The following SARNP variants were observed in gnomAD, a reference collection of about 807,000 sequenced individuals.
SARNP encodes the protein SAP domain-containing ribonucleoprotein.
SARNP carries 5 observed loss-of-function variants against 38.1 expected under a neutral mutation model. That is an observed-to-expected ratio of 0.13 (90% confidence interval 0.07 to 0.28). The LOEUF is 0.28. Among genes scored for constraint, SARNP ranks in the 10% least tolerant of loss-of-function variants. The pLI, the probability that SARNP is intolerant of heterozygous loss-of-function variation, is 1.00. For synonymous variants in SARNP, 84 were observed against 80.6 expected (o/e 1.04, Z -0.23); for missense variants, 180 against 243.9 (o/e 0.74, Z 1.75).
chr12:55,758,278 A>C (rs1352211573), intron 10 of SARNP, among the ~76,000 whole-genome samples: 2 of 152,332 alleles, frequency 1.3e-5, no homozygotes, highest in East Asian at 3.9e-4. Flanking sequence ...TTTCTAGTGA[A>C]GAGTGTTAGC....
chr12:55,778,970 A>AAAAGC (rs1879265254), intron 9 of SARNP, among the ~76,000 whole-genome samples: 1 of 152,152 alleles, frequency 6.6e-6, no homozygotes, highest in Non-Finnish European at 1.5e-5. Context: ...GACTGTCTCA[A>AAAAGC]AAAGCAAAGC....
intron 1 of SARNP, among the ~76,000 whole-genome samples, chr12:55,807,646 CAAAAAAAA>C (rs768134544): frequency 1.3e-5 from 1 of 75,406 alleles, no homozygotes; most frequent in Non-Finnish European, 3.0e-5. Flanking sequence ...ACTAAAAATA[CAAAAAAAA>C]AAAAAAAAAA....
intron 4 of SARNP, among the ~76,000 whole-genome samples, chr12:55,799,727 T>G (rs1302837183): frequency 6.6e-6 from 1 of 151,494 alleles, no homozygotes; most frequent in Non-Finnish European, 1.5e-5. Context: ...CTAATTTTTG[T>G]ATTTTTAGAA....
intron 3 of SARNP, 107 bp downstream of exon 3, chr12:55,800,747 G>T: frequency 7.9e-7 from 1 of 1,272,018 alleles, no homozygotes; most frequent in Non-Finnish European, 1.1e-6. Flanking sequence ...CCCATCTTAT[G>T]CTCCCCTAAT....
downstream of SARNP, chr12:55,755,105 A>C (rs1039740965): frequency 1.3e-5 from 2 of 152,238 alleles, no homozygotes; most frequent in African/African-American, 4.8e-5. Context: ...GGGGGATTCC[A>C]ATAATCAGAA....
intron 1 of SARNP, among the ~76,000 whole-genome samples, chr12:55,805,398 G>A (rs1309361972): frequency 6.6e-6 from 1 of 152,004 alleles, no homozygotes; most frequent in East Asian, 1.9e-4. Context: ...TGAGGAACAT[G>A]GTAGGTAATC....
intron 1 of SARNP, among the ~76,000 whole-genome samples, chr12:55,806,505 C>T (rs761843446): frequency 7.9e-5 from 12 of 152,016 alleles, no homozygotes; most frequent in Non-Finnish European, 1.8e-4. Flanking sequence ...AAACTCCTGA[C>T]CTCAAGTGAT....
At chr12:55,761,478 G>T (rs956958809) in intron 9 of SARNP, 3 of 152,184 alleles carry the variant, frequency 2.0e-5, no homozygotes, top group Admixed American at 6.6e-5. Context: ...CTTAAAACAG[G>T]TGAATCAAGG....
intron 9 of SARNP, among the ~76,000 whole-genome samples, chr12:55,767,671 C>A (rs1022580097): frequency 2.6e-5 from 4 of 151,622 alleles, no homozygotes; most frequent in African/African-American, 9.7e-5. Context: ...CACGGTGAAA[C>A]CCCGTCTCTA....
At chr12:55,791,135 C>A (rs1422431580) in intron 7 of SARNP, among the ~76,000 whole-genome samples, 1 of 152,100 alleles carries the variant, frequency 6.6e-6, no homozygotes, top group African/African-American at 2.4e-5. Context: ...TATATGAAGG[C>A]AAATTTCCAT....
chr12:55,800,863 A>G lies in SARNP; in HGVS notation c.174T>C (p.Asp58=). ...EEANEEDVLG[D]ETEEEETKPI... ...ACTCTATCCAACTCACCTCTGTTTCATCTCCCAGTACATCTTCTTCATTTG... is the reference window on the plus strand; with the variant it reads ...ACTCTATCCAACTCACCTCTGTTTCGTCTCCCAGTACATCTTCTTCATTTG... Residue 58 remains aspartate (D), a synonymous_variant, in exon 3 of 11, where the codon GAT becomes GAC. Transcript: ENST00000336133. 6.2e-7 allele frequency: 1 copy of G among 1,613,058 alleles called. No homozygotes were observed. Among genetic ancestry groups the G allele is most frequent in the Non-Finnish European group, 8.5e-7 (1 of 1,179,104 alleles).
chr12:55,815,512 G>A (rs1352014034), intron 1 of SARNP, among the ~76,000 whole-genome samples: 2 of 152,180 alleles, frequency 1.3e-5, no homozygotes, highest in Non-Finnish European at 2.9e-5. Flanking sequence ...CTGGAGTGCA[G>A]TACACCATCT....
chr12:55,798,957 C>A (rs899865767), intron 4 of SARNP, among the ~76,000 whole-genome samples: 2 of 152,100 alleles, frequency 1.3e-5, no homozygotes, highest in African/African-American at 4.8e-5. Context: ...TAGCATATAA[C>A]TCTTAAGAAC....
downstream of SARNP, chr12:55,754,911 A>C (rs1263477284): frequency 2.0e-5 from 3 of 152,234 alleles, no homozygotes; most frequent in African/African-American, 7.2e-5. Flanking sequence ...ATCCTATTGA[A>C]AGTGATCCGG....
chr12:55,768,294 T>A (rs976495861), intron 9 of SARNP, among the ~76,000 whole-genome samples: 1 of 145,248 alleles, frequency 6.9e-6, no homozygotes, highest in Non-Finnish European at 1.5e-5. Context: ...CCCAGCTAAT[T>A]TTTTTTTTAA....
At chr12:55,796,199 G>T in intron 4 of SARNP, 123 bp from the exon 5 acceptor site, 1 of 660,676 alleles carries the variant, frequency 1.5e-6, no homozygotes, top group Admixed American at 2.6e-5. Flanking sequence ...CACCCCCTAA[G>T]CCAAAGAAAC....
At chr12:55,783,508 G>C (rs944982691) in intron 9 of SARNP, among the ~76,000 whole-genome samples, 1 of 150,174 alleles carries the variant, frequency 6.7e-6, no homozygotes, top group African/African-American at 2.5e-5. Flanking sequence ...TGTTCACTGA[G>C]ACTTAAGCTG....
At chr12:55,809,722 G>C (rs911556781) in intron 1 of SARNP, among the ~76,000 whole-genome samples, 1 of 146,790 alleles carries the variant, frequency 6.8e-6, no homozygotes, top group African/African-American at 2.5e-5. Context: ...CAGCCTGGGC[G>C]ACAGAAGGGA....
chr12:55,778,738 G>A (rs1879257629), intron 9 of SARNP, among the ~76,000 whole-genome samples: 2 of 152,190 alleles, frequency 1.3e-5, no homozygotes, highest in Admixed American at 1.3e-4. Context: ...TTGGGAGGCT[G>A]AGGCTGGCGG....
Sources: gnomAD v4.1 joint callset for allele counts (sites outside exome capture counted in the v4.1 genomes callset) on GRCh38, gnomAD v4.1.1 for gene constraint, MANE v1.5 for transcripts, NCBI Gene and HGNC (gene_info 2026-07-23, HGNC 2026-07-21) for gene names.